The following COL9A1 variants were observed in gnomAD, a reference collection of about 807,000 sequenced individuals.
COL9A1 encodes the protein collagen alpha-1(IX) chain.
Under a neutral mutation model 142.6 loss-of-function variants are expected in COL9A1, and 104 were observed. That is an observed-to-expected ratio of 0.73 (90% CI 0.62 to 0.86). COL9A1 has a LOEUF of 0.86. Among genes scored for constraint, COL9A1 ranks in the 40% least tolerant of loss-of-function variants. The pLI is 0.00. For synonymous variants in COL9A1, 466 were observed against 396.0 expected, an observed-to-expected ratio of 1.18 and a Z score of -2.10; for missense variants, 1,210 against 1,176.6, an observed-to-expected ratio of 1.03 and a Z score of -0.42.
At chr6:70,299,929 A>G (rs2127608218) in intron 4 of COL9A1, 114 bp downstream of exon 4, 2 of 1,026,078 alleles carry the variant, frequency 1.9e-6, no homozygotes, top group East Asian at 2.6e-5. Context: ...TCATCTTTAA[A>G]TACAATTATA....
chr6:70,242,982 C>T (rs571309314), intron 28 of COL9A1, among the ~76,000 whole-genome samples: 1 of 152,308 alleles, frequency 6.6e-6, no homozygotes, highest in Non-Finnish European at 1.5e-5. Flanking sequence ...CACATCCTAA[C>T]TTTTATTATG....
At chr6:70,286,446 A>C (rs113839221) in intron 5 of COL9A1, among the ~76,000 whole-genome samples, 164 of 152,350 alleles carry the variant, frequency 1.1e-3, no homozygotes, top group African/African-American at 3.2e-3. Context: ...AATGGCTATG[A>C]AACTTGGCTC....
intron 17 of COL9A1, 73 bp from the exon 18 acceptor site, chr6:70,266,843 T>A: frequency 8.1e-7 from 1 of 1,239,380 alleles, no homozygotes; most frequent in South Asian, 1.2e-5. Context: ...AAAGTGATCC[T>A]GCTTCCCTAA....
At position 70,258,489 on chromosome 6, in the gene COL9A1, G is replaced by A. The variant is rs533305162; in HGVS notation, c.1450-1668C>T. The A allele has an allele frequency of 2.6e-5, 4 of 152,272 alleles. No individual in the cohort carries two copies. The East Asian group carries it at 5.8e-4, about 22-fold the overall frequency. The allele number at this position is 152,272 out of a possible 1,614,324, so 9.4% of individuals were successfully genotyped here. ...TCAACTGAAGCAGAGGTACCAGAGA[G>A]CCCTGAAATTCTTTGATCCCTAAAA... On this transcript the variant is annotated intron_variant, in intron 20 of 37. Coordinates refer to ENST00000357250, the MANE Select transcript of COL9A1 (RefSeq NM_001851.6).
At chr6:70,280,128 T>C (rs1264459800) in intron 10 of COL9A1, 3 of 554,430 alleles carry the variant, frequency 5.4e-6, no homozygotes, top group Non-Finnish European at 1.0e-5. Context: ...ACCATATAAG[T>C]CAGCATTTGA....
chr6:70,281,472 A>C lies in COL9A1; in HGVS notation c.802-8T>G, dbSNP rs756962645. The stretch of plus-strand genomic sequence containing the variant: ...CTCACCCGGGGGACCTCTCTGGCAA[A>C]AATAGCAGACATAGGTTAGTGGAGC... On this transcript the variant is annotated splice_polypyrimidine_tract_variant and splice_region_variant and intron_variant, in intron 7 of 37. Coordinates refer to ENST00000357250, the MANE Select transcript of COL9A1 (RefSeq NM_001851.6). The C allele has an allele frequency of 1.2e-6, 2 of 1,609,856 alleles. No individual in the cohort carries two copies. The highest frequency in any genetic ancestry group is 1.7e-6 in the Non-Finnish European group (2 of 1,178,370).
chr6:70,276,330 A>G (rs1452093878), intron 10 of COL9A1, among the ~76,000 whole-genome samples: 1 of 152,114 alleles, frequency 6.6e-6, no homozygotes, highest in Non-Finnish European at 1.5e-5. Context: ...TAACTAACTG[A>G]TCCTCTAATT....
chr6:70,290,675 G>A (rs1016890848), intron 5 of COL9A1, among the ~76,000 whole-genome samples: 1 of 152,022 alleles, frequency 6.6e-6, no homozygotes, highest in African/African-American at 2.4e-5. Context: ...GTTTCCAATT[G>A]CATTTCTTAT....
chr6:70,274,447 G>A (rs936160107), intron 11 of COL9A1, among the ~76,000 whole-genome samples: 13 of 152,014 alleles, frequency 8.6e-5, no homozygotes, highest in Non-Finnish European at 1.9e-4. Flanking sequence ...CCACTTATAA[G>A]TGAGAACATG....
intron 31 of COL9A1, 146 bp from the exon 32 acceptor site, chr6:70,240,879 T>G (rs1770212978): frequency 1.3e-6 from 1 of 749,318 alleles, no homozygotes; most frequent in South Asian, 1.5e-5. Context: ...GGCTTTCCAA[T>G]CTAGCTGTCA....
intron 5 of COL9A1, among the ~76,000 whole-genome samples, chr6:70,288,774 T>C (rs932860056): frequency 6.6e-6 from 1 of 152,142 alleles, no homozygotes; most frequent in African/African-American, 2.4e-5. Flanking sequence ...TATTTTCTTC[T>C]CCATGAGGCC....
intron 28 of COL9A1, among the ~76,000 whole-genome samples, chr6:70,250,134 A>G (rs978687614): frequency 1.3e-5 from 2 of 152,108 alleles, no homozygotes; most frequent in African/African-American, 4.8e-5. Context: ...GGTGGTGTGC[A>G]CCTGTAGTTC....
chr6:70,272,000 T>C (rs900613200), intron 13 of COL9A1, 65 bp downstream of exon 13: 9 of 1,479,104 alleles, frequency 6.1e-6, no homozygotes, highest in Non-Finnish European at 8.5e-6. Flanking sequence ...GAGAATAAGG[T>C]GGGGATTTGA....
intron 36 of COL9A1, among the ~76,000 whole-genome samples, chr6:70,231,546 T>C (rs3793070): frequency 0.035 from 5,301 of 151,900 alleles, 154 homozygotes; most frequent in East Asian, 0.11. Flanking sequence ...TTTTTTAACA[T>C]GAAGCTCTGA....
In COL9A1 at chr6:70,234,821, G is replaced by C. The variant is rs751249539; in HGVS notation, c.2232C>G (p.Thr744=). The C allele has an allele frequency of 6.2e-7, 1 of 1,613,860 alleles. No homozygotes were observed. The stretch of plus-strand genomic sequence containing the variant: ...GAGGGCCCTGGACACCAGGCAGGCC[G>C]GTGGCACCCTGTTCTCCCTGCACAC... ...PRGVQGEQGA[T]GLPGVQGPPG... is the part of the protein sequence containing the mutation. Residue 744 remains threonine (T), a synonymous_variant, in exon 34 of 38, where the codon ACC becomes ACG. Transcript: ENST00000357250.
chr6:70,283,053 G>A, intron 6 of COL9A1, 135 bp from the exon 7 acceptor site: 1 of 1,539,600 alleles, frequency 6.5e-7, no homozygotes. Context: ...TCCAGGCCAT[G>A]CCCGCCGCCC....
chr6:70,253,455 G>A, intron 25 of COL9A1, 26 bp from the exon 26 acceptor site: 1 of 1,549,464 alleles, frequency 6.5e-7, no homozygotes, highest in Non-Finnish European at 8.9e-7. Flanking sequence ...CACAATCCTA[G>A]TTTAATCACC....
Position 70,242,701 on chromosome 6 carries a change from T to C in COL9A1, c.1887A>G (p.Glu629=). ...GPQGLPGSRG[E]LGPVGSPGLP... ...GGCCTGGGGATCCCACTGGTCCTAA[T>C]TCTCCTCTACTGCCCTGTAAAAACA... is the stretch of plus-strand genomic sequence containing the variant. The change falls in exon 29 of 38, where the codon GAA becomes GAG. Residue 629 remains glutamate, a synonymous_variant. Coordinates refer to ENST00000357250, the MANE Select transcript of COL9A1 (RefSeq NM_001851.6). 6.2e-7 allele frequency: 1 copy of C among 1,614,212 alleles called. No individual in the cohort carries two copies. Among genetic ancestry groups the C allele is most frequent in the Admixed American group, 1.7e-5 (1 of 60,030 alleles).
chr6:70,228,315 T>C (rs1285706003), intron 36 of COL9A1, among the ~76,000 whole-genome samples: 2 of 152,094 alleles, frequency 1.3e-5, no homozygotes, highest in South Asian at 2.1e-4. Flanking sequence ...CCCCTGAAGA[T>C]ACCAAACCCA....
Sources: allele counts gnomAD v4.1 joint callset (sites outside exome capture counted in the v4.1 genomes callset), GRCh38; gene constraint gnomAD v4.1.1; transcripts MANE v1.5; gene names NCBI Gene and HGNC (gene_info 2026-07-23, HGNC 2026-07-21).